Variants in SCRG1 observed in about 807,000 individuals in gnomAD.
SCRG1 encodes the protein scrapie-responsive protein 1.
A neutral mutation model predicts 7.7 loss-of-function variants in SCRG1; 3 were observed. The ratio of observed to expected loss-of-function variants is 0.39; its 90% CI spans 0.18 to 1.01. The LOEUF is 1.01. SCRG1 is among the 50% of genes least tolerant of loss of function. The pLI, the probability that SCRG1 is intolerant of heterozygous loss-of-function variation, is 0.36. For missense variants in SCRG1, 110 were observed against 117.2 expected (o/e 0.94, Z 0.28); for synonymous variants, 46 against 41.2 (o/e 1.12, Z -0.44).
At chr4:173,436,392 A>T in the SCRG1 span, among the ~76,000 whole-genome samples, 2 of 152,150 alleles carry the variant, frequency 1.3e-5, no homozygotes, top group Non-Finnish European at 2.9e-5. Flanking sequence ...TGATGCTCTT[A>T]CCACCCACCC....
At chr4:173,460,326 C>A in the SCRG1 span, among the ~76,000 whole-genome samples, 674 of 152,304 alleles carry the variant, frequency 4.4e-3, 6 homozygotes, top group African/African-American at 0.015. Context: ...ACTGAGACAC[C>A]AGCTGGGGCA....
At chr4:173,409,724 G>A (rs1048480209), upstream of SCRG1, among the ~76,000 whole-genome samples, 5 of 151,624 alleles carry the variant, frequency 3.3e-5, no homozygotes, top group African/African-American at 9.7e-5. Context: ...AAGTACCTGC[G>A]ATTACAGTCA....
chr4:173,425,369 C>T, the SCRG1 span, among the ~76,000 whole-genome samples: 7 of 152,194 alleles, frequency 4.6e-5, no homozygotes, highest in African/African-American at 1.7e-4. Context: ...TCACTGTATG[C>T]TTTTCTTGAC....
intron 2 of SCRG1, among the ~76,000 whole-genome samples, chr4:173,390,750 A>G (rs984640198): frequency 6.6e-6 from 1 of 152,146 alleles, no homozygotes; most frequent in African/African-American, 2.4e-5. Flanking sequence ...CAGCCTCCCA[A>G]AGTGCTGGGA....
At chr4:173,443,275 C>A in the SCRG1 span, among the ~76,000 whole-genome samples, 1 of 151,786 alleles carries the variant, frequency 6.6e-6, no homozygotes, top group African/African-American at 2.4e-5. Context: ...CTTGTATCAA[C>A]AAAGCTGGAC....
At chr4:173,518,135 T>C in the SCRG1 span, among the ~76,000 whole-genome samples, 3 of 152,212 alleles carry the variant, frequency 2.0e-5, no homozygotes, top group Non-Finnish European at 4.4e-5. Context: ...TTCTGTTCTC[T>C]CGTTTTTTTC....
At chr4:173,425,991 G>C in the SCRG1 span, among the ~76,000 whole-genome samples, 1 of 152,198 alleles carries the variant, frequency 6.6e-6, no homozygotes, top group South Asian at 2.1e-4. Context: ...ATGCCATGGG[G>C]GGCTGAGGCC....
chr4:173,405,757 G>A (rs1739886946), intron 1 of SCRG1, among the ~76,000 whole-genome samples: 1 of 152,114 alleles, frequency 6.6e-6, no homozygotes, highest in Non-Finnish European at 1.5e-5. Flanking sequence ...CATCAAGGTC[G>A]TGGTTTTTGG....
chr4:173,446,246 G>C, the SCRG1 span, among the ~76,000 whole-genome samples: 1 of 152,158 alleles, frequency 6.6e-6, no homozygotes, highest in Non-Finnish European at 1.5e-5. Flanking sequence ...AACCATTTTT[G>C]TAATAATATA....
At chr4:173,441,847 C>T in the SCRG1 span, among the ~76,000 whole-genome samples, 1 of 152,080 alleles carries the variant, frequency 6.6e-6, no homozygotes, top group Non-Finnish European at 1.5e-5. Flanking sequence ...CCACTGCACT[C>T]CAGCCTGAGC....
chr4:173,432,193 C>T, the SCRG1 span, among the ~76,000 whole-genome samples: 1 of 138,004 alleles, frequency 7.2e-6, no homozygotes, highest in African/African-American at 2.6e-5. Context: ...AGTAATTTTT[C>T]CCTCCCTCCC....
chr4:173,447,177 G>T, the SCRG1 span, among the ~76,000 whole-genome samples: 1 of 152,192 alleles, frequency 6.6e-6, no homozygotes, highest in Non-Finnish European at 1.5e-5. Flanking sequence ...CAGGGTTTTT[G>T]ATGAGAGTTC....
chr4:173,489,740 C>A, the SCRG1 span, among the ~76,000 whole-genome samples: 1 of 152,076 alleles, frequency 6.6e-6, no homozygotes, highest in Admixed American at 6.6e-5. Flanking sequence ...CTTGAAAAAC[C>A]ATGCTGTTTG....
At chr4:173,462,647 A>C in the SCRG1 span, among the ~76,000 whole-genome samples, 3 of 152,202 alleles carry the variant, frequency 2.0e-5, no homozygotes, top group African/African-American at 7.2e-5. Flanking sequence ...AGTAAACAGA[A>C]AAACACAGAA....
chr4:173,432,278 TCTTC>T, the SCRG1 span, among the ~76,000 whole-genome samples: 9,600 of 143,892 alleles, frequency 0.067, 438 homozygotes, highest in Middle Eastern at 0.24. Context: ...TCCCTTTCTT[TCTTC>T]CTTCCTTCCT....
At chr4:173,471,964 C>G in the SCRG1 span, among the ~76,000 whole-genome samples, 19 of 152,184 alleles carry the variant, frequency 1.2e-4, no homozygotes, top group Non-Finnish European at 2.2e-4. Flanking sequence ...CCACCTTGGT[C>G]TCCCAAAGTG....
At chr4:173,453,423 G>A in the SCRG1 span, among the ~76,000 whole-genome samples, 1 of 152,166 alleles carries the variant, frequency 6.6e-6, no homozygotes, top group African/African-American at 2.4e-5. Context: ...TGCATCATTA[G>A]GTGATTGTGT....
At chr4:173,497,105 CA>C in the SCRG1 span, among the ~76,000 whole-genome samples, 1 of 151,362 alleles carries the variant, frequency 6.6e-6, no homozygotes. Context: ...GACTCTGTCT[CA>C]AAAAAACAAA....
the SCRG1 span, among the ~76,000 whole-genome samples, chr4:173,423,994 C>T: frequency 1.3e-5 from 2 of 152,134 alleles, no homozygotes. Flanking sequence ...ATAACTAACC[C>T]ACTCCCCCAA....
Sources: allele counts gnomAD v4.1 joint callset (sites outside exome capture counted in the v4.1 genomes callset), GRCh38; gene constraint gnomAD v4.1.1; transcripts MANE v1.5; gene names NCBI Gene and HGNC (gene_info 2026-07-23, HGNC 2026-07-21).